GRIK2: variants seen among roughly 807,000 people sequenced by gnomAD.
GRIK2 encodes the protein glutamate receptor ionotropic, kainate 2.
A neutral mutation model predicts 100.3 loss-of-function variants in GRIK2; 32 were observed. The observed-to-expected ratio is 0.32, with a 90% CI of 0.24 to 0.43. GRIK2 has a LOEUF of 0.43. GRIK2 is among the 20% of genes least tolerant of loss of function. GRIK2 has a pLI of 1.00. For synonymous variants in GRIK2, 417 were observed against 389.4 expected, an observed-to-expected ratio of 1.07 and a Z score of -0.83; for missense variants, 843 against 1,114.9, an observed-to-expected ratio of 0.76 and a Z score of 3.47.
intron 2 of GRIK2, among the ~76,000 whole-genome samples, chr6:101,469,875 C>G (rs150872187): frequency 6.6e-6 from 1 of 152,164 alleles, no homozygotes; most frequent in Non-Finnish European, 1.5e-5. Context: ...TCTTTCTCTT[C>G]AAGACTTGGG....
intron 2 of GRIK2, among the ~76,000 whole-genome samples, chr6:101,510,620 T>C (rs1378065118): frequency 1.4e-5 from 2 of 147,726 alleles, no homozygotes; most frequent in Non-Finnish European, 3.0e-5. Context: ...CCTCCTGGGT[T>C]CAAGTGATTC....
intron 2 of GRIK2, among the ~76,000 whole-genome samples, chr6:101,598,011 A>G (rs1779006372): frequency 6.6e-6 from 1 of 151,728 alleles, no homozygotes; most frequent in Admixed American, 6.6e-5. Context: ...ATTATCCCAA[A>G]TACCACCCAC....
chr6:101,482,092 C>T lies in GRIK2; in HGVS notation c.115+82700C>T, dbSNP rs1223899113. Among the ~76,000 whole-genome samples the T allele has an allele frequency of 3.3e-5, 5 of 152,036 alleles. No individual in the cohort carries two copies. The East Asian group carries it at 5.8e-4, about 18-fold the overall frequency. ...TTTAAATTAGCCGGTTTCTTTATAG[C>T]GGTGTGAAAATGGACTAATACAGTG... is the stretch of plus-strand genomic sequence containing the variant. On this transcript the variant is annotated intron_variant, in intron 2 of 16. Transcript: ENST00000369134.
chr6:101,958,212 T>A (rs532975032), intron 14 of GRIK2, among the ~76,000 whole-genome samples: 6 of 151,210 alleles, frequency 4.0e-5, no homozygotes, highest in African/African-American at 1.5e-4. Flanking sequence ...TTTTTTCTTT[T>A]AGAGAGCTTT....
At chr6:101,658,992 T>C (rs1364288577) in intron 4 of GRIK2, among the ~76,000 whole-genome samples, 1 of 152,114 alleles carries the variant, frequency 6.6e-6, no homozygotes, top group African/African-American at 2.4e-5. Context: ...TCACTCTGAT[T>C]ATAGTTTCTG....
intron 2 of GRIK2, among the ~76,000 whole-genome samples, chr6:101,577,764 C>T (rs998070101): frequency 4.6e-5 from 7 of 152,054 alleles, no homozygotes; most frequent in Non-Finnish European, 5.9e-5. Flanking sequence ...CCTTACATTG[C>T]GTGAATCTTA....
chr6:101,696,707 TATC>T (rs1480640628), intron 7 of GRIK2, among the ~76,000 whole-genome samples: 1 of 152,010 alleles, frequency 6.6e-6, no homozygotes, highest in African/African-American at 2.4e-5. Context: ...ATGGGGCAGT[TATC>T]ATCTTCATTT....
At chr6:101,709,869 C>A (rs181628711) in intron 7 of GRIK2, among the ~76,000 whole-genome samples, 37 of 151,868 alleles carry the variant, frequency 2.4e-4, no homozygotes, top group African/African-American at 8.4e-4. Context: ...AATCATCTAC[C>A]ATTTCTATGA....
At position 101,824,136 on chromosome 6, in the gene GRIK2, C is replaced by T. The variant is rs144959698; in HGVS notation, c.1317+5653C>T. The stretch of plus-strand genomic sequence containing the variant: ...CTGACTTGTGGTGATCTTCCAGCCT[C>T]GGCCTCCCGAAGTGCTGGGATTACA... On this transcript the variant is annotated intron_variant, in intron 10 of 16. Transcript: ENST00000369134. 5.2e-3 allele frequency among the ~76,000 whole-genome samples: 790 copies of T among 152,044 alleles called. 8 individuals carry two copies. The highest frequency in any genetic ancestry group is 0.018 in the African/African-American group (751 of 41,488).
intron 10 of GRIK2, among the ~76,000 whole-genome samples, chr6:101,857,922 C>T (rs1036742709): frequency 1.3e-5 from 2 of 152,108 alleles, no homozygotes; most frequent in Non-Finnish European, 2.9e-5. Context: ...CACACTGTTG[C>T]CAATTATCCT....
At chr6:101,905,862 G>C (rs77224326) in intron 12 of GRIK2, among the ~76,000 whole-genome samples, 1 of 151,084 alleles carries the variant, frequency 6.6e-6, no homozygotes, top group South Asian at 2.1e-4. Context: ...AATAAAAAAT[G>C]GAATTTTTAT....
At chr6:101,410,463 C>A (rs568467709) in intron 2 of GRIK2, among the ~76,000 whole-genome samples, 1 of 151,840 alleles carries the variant, frequency 6.6e-6, no homozygotes, top group African/African-American at 2.4e-5. Flanking sequence ...ATTTTGGTAC[C>A]ACCCCTAGAC....
chr6:101,843,564 A>G (rs1417140885), intron 10 of GRIK2, among the ~76,000 whole-genome samples: 1 of 152,188 alleles, frequency 6.6e-6, no homozygotes, highest in African/African-American at 2.4e-5. Flanking sequence ...AAGAATTTCA[A>G]AAGGACACTA....
chr6:101,835,701 G>A (rs1404684018), intron 10 of GRIK2, among the ~76,000 whole-genome samples: 1 of 147,682 alleles, frequency 6.8e-6, no homozygotes, highest in Non-Finnish European at 1.5e-5. Flanking sequence ...CTGATCTCAG[G>A]TGATCCACCC....
intron 2 of GRIK2, among the ~76,000 whole-genome samples, chr6:101,608,763 A>G (rs1779543780): frequency 6.6e-6 from 1 of 150,954 alleles, no homozygotes; most frequent in African/African-American, 2.4e-5. Flanking sequence ...TATCATTTTT[A>G]ATGGAAATCT....
At chr6:101,454,790 T>A (rs936838243) in intron 2 of GRIK2, among the ~76,000 whole-genome samples, 4 of 152,104 alleles carry the variant, frequency 2.6e-5, no homozygotes, top group African/African-American at 9.7e-5. Flanking sequence ...CCTGCGAGGA[T>A]TACATGAGCA....
At chr6:101,551,003 C>T (rs978448841) in intron 2 of GRIK2, among the ~76,000 whole-genome samples, 1 of 152,118 alleles carries the variant, frequency 6.6e-6, no homozygotes, top group Non-Finnish European at 1.5e-5. Flanking sequence ...GCTCTGATGA[C>T]CTAATGGAGC....
intron 4 of GRIK2, among the ~76,000 whole-genome samples, chr6:101,660,721 C>T (rs1352096290): frequency 6.6e-6 from 1 of 152,108 alleles, no homozygotes; most frequent in Admixed American, 6.5e-5. Context: ...TTCCTTCTAA[C>T]AGTCAGGCCC....
At chr6:101,845,110 T>C (rs914912025) in intron 10 of GRIK2, among the ~76,000 whole-genome samples, 4 of 151,952 alleles carry the variant, frequency 2.6e-5, no homozygotes, top group Admixed American at 2.0e-4. Flanking sequence ...AACCTCCAAC[T>C]CCTGGCTCAA....
Sources: allele counts gnomAD v4.1 joint callset (sites outside exome capture counted in the v4.1 genomes callset), GRCh38; gene constraint gnomAD v4.1.1; transcripts MANE v1.5; gene names NCBI Gene and HGNC (gene_info 2026-07-23, HGNC 2026-07-21).